The following ZSCAN20 variants were observed in gnomAD, a reference collection of about 807,000 sequenced individuals.
The protein encoded by ZSCAN20 is zinc finger and SCAN domain containing 20.
A neutral mutation model predicts 97.1 loss-of-function variants in ZSCAN20; 39 were observed. That is an observed-to-expected ratio of 0.40 (90% CI 0.31 to 0.52). ZSCAN20 has a LOEUF of 0.52. Ranked by LOEUF, ZSCAN20 falls within the 20% of genes least tolerant of loss-of-function variation. ZSCAN20 has a pLI of 0.49. For synonymous variants in ZSCAN20, 456 were observed against 467.3 expected, an observed-to-expected ratio of 0.98 and a Z score of 0.31; for missense variants, 1,115 against 1,290.4, an observed-to-expected ratio of 0.86 and a Z score of 2.08.
chr1:33,499,637 C>T lies in ZSCAN20; in HGVS notation c.*4161C>T, dbSNP rs1652994230. ...CATTGGACTCATCTTGGACTCAGTT[C>T]TGCCAATACTTTCTCCCTTCTAAGA... On this transcript the variant is annotated 3_prime_UTR_variant, in exon 8 of 8. Coordinates refer to ENST00000684572, the MANE Select transcript of ZSCAN20 (RefSeq NM_001377376.1). Among the ~76,000 whole-genome samples the T allele has an allele frequency of 6.6e-6, 1 of 152,228 alleles. No homozygotes were observed. The highest frequency in any genetic ancestry group is 1.5e-5 in the Non-Finnish European group (1 of 68,034).
At chr1:33,489,653 C>G (rs1191876827) in intron 5 of ZSCAN20, 51 bp downstream of exon 5, 1 of 1,550,722 alleles carries the variant, frequency 6.4e-7, no homozygotes, top group African/African-American at 1.4e-5. Flanking sequence ...CTGATACACC[C>G]AGTTCCCAAA....
rs765146766 is a variant in ZSCAN20, at chr1:33,491,287, C to T, written c.1029C>T (p.Phe343=). The T allele has an allele frequency of 6.2e-7, 1 of 1,614,190 alleles. No homozygotes were observed. Among genetic ancestry groups the T allele is most frequent in the South Asian group, 1.1e-5 (1 of 91,082 alleles). Residue 343 remains phenylalanine (F), a synonymous_variant, in exon 6 of 8, where the codon TTC becomes TTT. Transcript: ENST00000684572. The surrounding 1 kb of genome is among the most constrained non-coding windows in gnomAD (Gnocchi z 4.3). The stretch of plus-strand genomic sequence containing the variant: ...TGGCAATTTTGAGTGAATCTCCTTT[C>T]TCTGAAAAGCTCCGGACTTGTCACC... The part of the protein sequence containing the change: ...TFLAILSESP[F]SEKLRTCHQN...
Position 33,491,426 on chromosome 1 carries a change from GC to G in ZSCAN20, c.1170del (p.Lys391ArgfsTer178), listed in dbSNP as rs1431884201. On this transcript the variant is annotated frameshift_variant, in exon 6 of 8. Coordinates refer to ENST00000684572, the MANE Select transcript of ZSCAN20 (RefSeq NM_001377376.1). LOFTEE classifies it high-confidence loss of function. This position sits in a 1 kb window ranked among gnomAD's most constrained non-coding sequence, Gnocchi z 4.3. ...AAACCTCCTACGGAATTACCGGAAA[GC>G]CAAGAGCAGCCACCCACCAGGTACC... is the stretch of plus-strand genomic sequence containing the variant. ...VKNLLRNYRK[A>X]KSSHPPGTCP... is the part of the protein sequence containing the mutation. The G allele has an allele frequency of 1.2e-6, 2 of 1,614,092 alleles. No homozygotes were observed. Among genetic ancestry groups the G allele is most frequent in the African/African-American group, 1.3e-5 (1 of 74,924 alleles).
rs971513179 is a variant in ZSCAN20 at position 33,483,259 on chromosome 1, T to C, written c.417+3554T>C. On this transcript the variant is annotated intron_variant, in intron 2 of 7. Transcript: ENST00000684572. ...GTGAAGGATAGGATAGAAGCTTTTTTTTTTTTTCATGTGGATGTCCAGTTT... is the reference window on the plus strand; with the variant it reads ...GTGAAGGATAGGATAGAAGCTTTTTCTTTTTTTCATGTGGATGTCCAGTTT... Among the ~76,000 whole-genome samples the C allele has an allele frequency of 7.8e-3, 480 of 61,874 alleles. 3 individuals are homozygous for C. The highest frequency in any genetic ancestry group is 0.035 in the African/African-American group (460 of 13,218). 40.6% of individuals were successfully genotyped at this position (61,874 alleles called of 152,430 possible).
chr1:33,479,633 C>T lies in ZSCAN20; in HGVS notation c.345C>T (p.His115=), dbSNP rs781047002. 2.2e-5 allele frequency: 36 copies of T among 1,610,632 alleles called. No homozygotes were observed. In the East Asian group the frequency reaches 7.1e-4, roughly 32 times the overall value. The change falls in exon 2 of 8, where the codon CAC becomes CAT. Residue 115 remains histidine, a synonymous_variant. Coordinates refer to ENST00000684572, the MANE Select transcript of ZSCAN20 (RefSeq NM_001377376.1). ...REVQTWVQAR[H]PESGEEAVAL... is the part of the protein sequence containing the mutation. ...TCCAGACCTGGGTGCAGGCACGCCA[C>T]CCTGAGAGTGGTGAGGAGGCTGTGG...
chr1:33,482,274 C>T (rs1032132830), intron 2 of ZSCAN20, among the ~76,000 whole-genome samples: 18 of 152,190 alleles, frequency 1.2e-4, no homozygotes, highest in Admixed American at 5.9e-4. Flanking sequence ...TTTATACTGT[C>T]TCCATAGTTT....
At chr1:33,485,046 C>T (rs1652305383) in intron 2 of ZSCAN20, among the ~76,000 whole-genome samples, 1 of 152,204 alleles carries the variant, frequency 6.6e-6, no homozygotes, top group South Asian at 2.1e-4. Context: ...ATTCCCTCTG[C>T]TTCTATCTTC....
chr1:33,493,486 C>T lies in ZSCAN20; in HGVS notation c.1744C>T (p.Arg582Ter), dbSNP rs949370070. ...TGCAGTCAGGGCCATGGGGACTGTCCGAGAGGCTGCAGGTCTCCCTAGGTG... is the reference window on the plus strand; with the variant it reads ...TGCAGTCAGGGCCATGGGGACTGTCTGAGAGGCTGCAGGTCTCCCTAGGTG... ...RAAVRAMGTV[R>*]EAAGLPRCGQ... is the part of the protein sequence containing the mutation. The change falls in exon 7 of 8, where the codon CGA becomes TGA. Residue 582 changes from arginine to a stop codon, truncating the protein, a stop_gained. Transcript: ENST00000684572. LOFTEE classifies it high-confidence loss of function. The surrounding 1 kb of genome is among the most constrained non-coding windows in gnomAD (Gnocchi z 4.3). 4.3e-6 allele frequency: 7 copies of T among 1,614,164 alleles called. No individual in the cohort carries two copies. Among genetic ancestry groups the T allele is most frequent in the Middle Eastern group, 1.6e-4 (1 of 6,062 alleles).
At chr1:33,485,114 C>T (rs1652307826) in intron 2 of ZSCAN20, among the ~76,000 whole-genome samples, 1 of 152,108 alleles carries the variant, frequency 6.6e-6, no homozygotes, top group Non-Finnish European at 1.5e-5. Flanking sequence ...GTAGAATTCA[C>T]CAGTGGACCC....
rs774195110 is a variant in ZSCAN20 at position 33,494,590 on chromosome 1, A to T, written c.2246A>T (p.Asp749Val). 2 of 1,613,934 alleles carry T rather than the reference A, an allele frequency of 1.2e-6. No homozygotes were observed. The highest frequency in any genetic ancestry group is 1.7e-6 in the Non-Finnish European group (2 of 1,179,822). ...KCLECGKNFS[D>V]RSNLNTHQRI... Reference sequence around the variant, plus strand: ...CTTGAATGTGGAAAAAACTTTAGTGACCGCTCTAACCTCAATACCCATCAG... The same window carrying T: ...CTTGAATGTGGAAAAAACTTTAGTGTCCGCTCTAACCTCAATACCCATCAG... Residue 749 changes from aspartate to valine, a missense_variant, in exon 8 of 8, where the codon GAC (aspartate) becomes GTC (valine). Around this residue, in one of 3 missense-constraint regions of ZSCAN20, gnomAD observed 554 missense variants for 584.9 expected, o/e 0.95. Coordinates refer to ENST00000684572, the MANE Select transcript of ZSCAN20 (RefSeq NM_001377376.1).
At chr1:33,475,656 CT>C (rs894607710) in intron 1 of ZSCAN20, among the ~76,000 whole-genome samples, 24 of 149,764 alleles carry the variant, frequency 1.6e-4, no homozygotes, top group African/African-American at 4.2e-4. Context: ...TTCTCTCTTT[CT>C]TTTTTTTTTC....
In ZSCAN20 at chr1:33,493,886, TAGA is replaced by T. The variant is rs926733050; in HGVS notation, c.1873+277_1873+279del. Among the ~76,000 whole-genome samples the T allele has an allele frequency of 7.2e-5, 11 of 152,190 alleles. No individual in the cohort carries two copies. Among genetic ancestry groups the T allele is most frequent in the African/African-American group, 2.7e-4 (11 of 41,450 alleles). On this transcript the variant is annotated intron_variant, in intron 7 of 7. Coordinates refer to ENST00000684572, the MANE Select transcript of ZSCAN20 (RefSeq NM_001377376.1). This position sits in a 1 kb window ranked among gnomAD's most constrained non-coding sequence, Gnocchi z 4.3. ...ATGACACAGGATATATGGAATGTAC[TAGA>T]AGAAGGAGGTGTTCATGATTGAGTA...
rs145476157 is a variant in ZSCAN20, at chr1:33,480,730, A to G, written c.417+1025A>G. Among the ~76,000 whole-genome samples, 4 of 152,362 alleles carry G rather than the reference A, an allele frequency of 2.6e-5. No individual in the cohort carries two copies. The East Asian group carries it at 7.7e-4, about 29-fold the overall frequency. On this transcript the variant is annotated intron_variant, in intron 2 of 7. Transcript: ENST00000684572. ...ACGTGATAGAGCTGAGGTAAGGGAA[A>G]TGAAAGTATGGATTTAACATTCGCA... is the stretch of plus-strand genomic sequence containing the variant.
chr1:33,494,110 C>A, intron 7 of ZSCAN20, 108 bp from the exon 8 acceptor site: 1 of 1,042,622 alleles, frequency 9.6e-7, no homozygotes, highest in Non-Finnish European at 1.4e-6. Context: ...ATATAAGAAT[C>A]AAATTCATGT....
intron 1 of ZSCAN20, 93 bp from the exon 2 acceptor site, chr1:33,479,086 C>G (rs1303589806): frequency 5.4e-6 from 3 of 552,118 alleles, no homozygotes; most frequent in Non-Finnish European, 9.3e-6. Flanking sequence ...ACCTCTGCCC[C>G]CATGCAAAGG....
chr1:33,482,183 A>G (rs569789787), intron 2 of ZSCAN20, among the ~76,000 whole-genome samples: 129 of 152,350 alleles, frequency 8.5e-4, no homozygotes, highest in Non-Finnish European at 1.6e-3. Context: ...AGTGACATAC[A>G]GAGTAGCTTC....
rs980579955 is a variant in ZSCAN20, at chr1:33,488,457, G to T, written c.418-8G>T. ...TGTTGATTGGGAATTTTGACTATTTGTGTGTAGGGACTGGAATTGCATACA... is the reference window on the plus strand; with the variant it reads ...TGTTGATTGGGAATTTTGACTATTTTTGTGTAGGGACTGGAATTGCATACA... On this transcript the variant is annotated splice_region_variant and splice_polypyrimidine_tract_variant and intron_variant, in intron 2 of 7. Transcript: ENST00000684572. 1 of 1,609,522 alleles carries T rather than the reference G, an allele frequency of 6.2e-7. No homozygotes were observed. The highest frequency in any genetic ancestry group is 1.3e-5 in the African/African-American group (1 of 74,452).
chr1:33,492,731 G>GCAT (rs1422169121), intron 6 of ZSCAN20: 3 of 136,466 alleles, frequency 2.2e-5, no homozygotes, highest in Non-Finnish European at 4.5e-5. Context: ...AGCCAGGATT[G>GCAT]CATCGCTGCA....
Position 33,501,419 on chromosome 1 carries a change from C to G in ZSCAN20, c.*5943C>G, listed in dbSNP as rs560463870. Among the ~76,000 whole-genome samples, 3 of 152,270 alleles carry G rather than the reference C, an allele frequency of 2.0e-5. No individual in the cohort carries two copies. The highest frequency in any genetic ancestry group is 2.1e-4 in the South Asian group (1 of 4,822). ...TGGATTAAATTTTGTCCATCAGGAG[C>G]CTCAGGGATTTAATGTCCAATTCTA... On this transcript the variant is annotated 3_prime_UTR_variant, in exon 8 of 8. Transcript: ENST00000684572.
Sources: allele counts gnomAD v4.1 joint callset (sites outside exome capture counted in the v4.1 genomes callset), GRCh38; gene constraint gnomAD v4.1.1; regional missense constraint gnomAD v4.1.1; non-coding constraint Gnocchi (gnomAD v3.1); transcripts MANE v1.5; gene names NCBI Gene and HGNC (gene_info 2026-07-23, HGNC 2026-07-21).